The following MICOS10 variants were observed in gnomAD, a reference collection of about 807,000 sequenced individuals.
The protein encoded by MICOS10 is mitochondrial contact site and cristae organizing system subunit 10.
MICOS10 carries 5 observed loss-of-function variants against 13.4 expected under a neutral mutation model. The observed-to-expected ratio is 0.37, with a 90% CI of 0.20 to 0.78. MICOS10 has a LOEUF of 0.78. Ranked by LOEUF, MICOS10 falls within the 30% of genes least tolerant of loss-of-function variation. The pLI is 0.47. For synonymous variants in MICOS10, 35 were observed against 33.6 expected, an observed-to-expected ratio of 1.04 and a Z score of -0.15; for missense variants, 101 against 94.6, an observed-to-expected ratio of 1.07 and a Z score of -0.28.
intron 1 of MICOS10, among the ~76,000 whole-genome samples, chr1:19,600,119 A>G (rs182581559): frequency 1.2e-4 from 18 of 152,334 alleles, no homozygotes; most frequent in Admixed American, 1.2e-3. Flanking sequence ...TTTTGCACCA[A>G]CCTAGTAAAT....
At chr1:19,611,970 C>CAAAAAAAAAAAA (rs1198566051) in intron 1 of MICOS10, among the ~76,000 whole-genome samples, 1 of 91,396 alleles carries the variant, frequency 1.1e-5, no homozygotes, top group Non-Finnish European at 2.1e-5. Flanking sequence ...GGCTCCATCT[C>CAAAAAAAAAAAA]AAAAAAAAAA....
At chr1:19,618,319 T>C (rs1249372087) in intron 1 of MICOS10, among the ~76,000 whole-genome samples, 3 of 151,896 alleles carry the variant, frequency 2.0e-5, no homozygotes, top group African/African-American at 7.3e-5. Context: ...TTGTTTTTGT[T>C]TTTGTAGAGA....
chr1:19,598,392 G>A (rs141373288), intron 1 of MICOS10, among the ~76,000 whole-genome samples: 1,775 of 152,204 alleles, frequency 0.012, 47 homozygotes, highest in Middle Eastern at 0.014. Flanking sequence ...CTTTTGTTTT[G>A]TTACTGTTAA....
At chr1:19,607,630 T>A (rs1183838273) in intron 1 of MICOS10, among the ~76,000 whole-genome samples, 1 of 152,210 alleles carries the variant, frequency 6.6e-6, no homozygotes, top group African/African-American at 2.4e-5. Flanking sequence ...CTATTATCTC[T>A]TTTTTGCTTT....
At chr1:19,611,990 T>C (rs1415685768) in intron 1 of MICOS10, among the ~76,000 whole-genome samples, 1 of 132,552 alleles carries the variant, frequency 7.5e-6, no homozygotes, top group Non-Finnish European at 1.6e-5. Context: ...AAAAAAGATT[T>C]TTTTTTCTTC....
intron 1 of MICOS10, among the ~76,000 whole-genome samples, chr1:19,612,725 T>C (rs948954487): frequency 1.3e-5 from 2 of 152,154 alleles, no homozygotes; most frequent in African/African-American, 2.4e-5. Flanking sequence ...TGTACTATCA[T>C]GTCAGCTGGG....
chr1:19,622,671 C>G (rs1268955283), intron 2 of MICOS10, among the ~76,000 whole-genome samples: 1 of 152,152 alleles, frequency 6.6e-6, no homozygotes, highest in African/African-American at 2.4e-5. Context: ...CGTGAAGAAC[C>G]AGTGGGAAAT....
chr1:19,608,074 A>G, intron 1 of MICOS10: 1 of 836,056 alleles, frequency 1.2e-6, no homozygotes, highest in Middle Eastern at 2.2e-4. Context: ...TAAAACCTAT[A>G]AGAGCTTTCC....
intron 1 of MICOS10, among the ~76,000 whole-genome samples, chr1:19,615,990 T>C (rs2094882929): frequency 1.3e-5 from 2 of 152,020 alleles, no homozygotes; most frequent in South Asian, 2.1e-4. Flanking sequence ...GTGATCTTCG[T>C]TTACTGCAAT....
intron 3 of MICOS10, among the ~76,000 whole-genome samples, chr1:19,624,573 C>T (rs984938482): frequency 1.3e-5 from 2 of 152,186 alleles, no homozygotes; most frequent in African/African-American, 4.8e-5. Context: ...TAGGTGTGAG[C>T]CACTGTGCCT....
intron 1 of MICOS10, among the ~76,000 whole-genome samples, chr1:19,605,221 G>T (rs2094830387): frequency 6.6e-6 from 1 of 152,140 alleles, no homozygotes; most frequent in Non-Finnish European, 1.5e-5. Context: ...GGCAGGAAAG[G>T]TGGAAGGGTG....
intron 1 of MICOS10, 38 bp from the exon 2 acceptor site, chr1:19,622,062 G>A: frequency 3.3e-6 from 5 of 1,513,412 alleles, no homozygotes; most frequent in Admixed American, 1.7e-5. Flanking sequence ...TGAAGTTACT[G>A]CTATGAGATT....
chr1:19,597,234 C>A, intron 1 of MICOS10, 125 bp downstream of exon 1: 1 of 1,055,914 alleles, frequency 9.5e-7, no homozygotes, highest in Non-Finnish European at 1.3e-6. Context: ...TCCGGCCCCT[C>A]CGGCCAGGGC....
chr1:19,608,994 C>CT (rs5772856), intron 1 of MICOS10, among the ~76,000 whole-genome samples: 4,069 of 60,568 alleles, frequency 0.067, 1,194 homozygotes, highest in African/African-American at 0.13. Context: ...CTTTTCCCAG[C>CT]TTTTTTTTTT....
chr1:19,612,074 ACT>A (rs1050677283), intron 1 of MICOS10, among the ~76,000 whole-genome samples: 2 of 149,754 alleles, frequency 1.3e-5, no homozygotes, highest in Admixed American at 1.3e-4. Context: ...ACGGAGTCTC[ACT>A]CTGTCACCCA....
At chr1:19,608,401 A>G (rs28517413) in intron 1 of MICOS10, 3 of 1,264,540 alleles carry the variant, frequency 2.4e-6, no homozygotes, top group East Asian at 2.3e-5. Flanking sequence ...TACACATCCA[A>G]CTCCGGGCCA....
intron 1 of MICOS10, among the ~76,000 whole-genome samples, chr1:19,616,402 C>T (rs1053505486): frequency 1.3e-5 from 2 of 152,064 alleles, no homozygotes; most frequent in African/African-American, 4.8e-5. Context: ...AAAAGGAGTC[C>T]ATAGAAATAC....
At chr1:19,614,836 T>C (rs1024684333) in intron 1 of MICOS10, among the ~76,000 whole-genome samples, 7 of 152,192 alleles carry the variant, frequency 4.6e-5, no homozygotes, top group Non-Finnish European at 8.8e-5. Context: ...CCAAGATTCC[T>C]TTGTAGCCTC....
At chr1:19,598,611 TAAAA>T (rs34959568) in intron 1 of MICOS10, among the ~76,000 whole-genome samples, 1 of 141,386 alleles carries the variant, frequency 7.1e-6, no homozygotes, top group African/African-American at 2.6e-5. Flanking sequence ...ACCCTTCCCT[TAAAA>T]AAAAAAAAAA....
Sources: allele counts gnomAD v4.1 joint callset (sites outside exome capture counted in the v4.1 genomes callset), GRCh38; gene constraint gnomAD v4.1.1; transcripts MANE v1.5; gene names NCBI Gene and HGNC (gene_info 2026-07-23, HGNC 2026-07-21).